Variants in ERCC6L2 observed in about 807,000 individuals in gnomAD.
ERCC6L2 encodes DNA excision repair protein ERCC-6-like 2.
Under a neutral mutation model 132.0 loss-of-function variants are expected in ERCC6L2, and 77 were observed. The ratio of observed to expected loss-of-function variants is 0.58; its 90% CI spans 0.49 to 0.71. ERCC6L2 has a LOEUF of 0.71. Ranked by LOEUF, ERCC6L2 falls within the 30% of genes least tolerant of loss-of-function variation. The pLI is 0.00. For synonymous variants in ERCC6L2, 583 were observed against 632.4 expected (o/e 0.92, Z 1.17); for missense variants, 1,542 against 1,837.6 (o/e 0.84, Z 2.94).
chr9:95,948,791 G>GAAAAAAAAAAAAAAAAAAAAAAAAAAAAA (rs55712485), intron 12 of ERCC6L2, among the ~76,000 whole-genome samples: 1 of 104,066 alleles, frequency 9.6e-6, no homozygotes, highest in Non-Finnish European at 1.9e-5. Flanking sequence ...CAAGACATTA[G>GAAAAAAAAAAAAAAAAAAAAAAAAAAAAA]AAAAAAAAAA....
At chr9:95,966,516 G>A in intron 13 of ERCC6L2, 46 bp from the exon 14 acceptor site, 1 of 1,404,328 alleles carries the variant, frequency 7.1e-7, no homozygotes, top group Non-Finnish European at 9.4e-7. Context: ...CTGACATATT[G>A]TTGGAGCAAA....
At chr9:95,935,980 G>C (rs759117285) in intron 11 of ERCC6L2, among the ~76,000 whole-genome samples, 10 of 152,104 alleles carry the variant, frequency 6.6e-5, no homozygotes, top group Non-Finnish European at 1.5e-4. Context: ...TTTATGTAAT[G>C]TGAGAATGGG....
At chr9:96,027,569 G>T (rs956269251) in intron 19 of ERCC6L2, 4 of 152,166 alleles carry the variant, frequency 2.6e-5, no homozygotes, top group African/African-American at 9.7e-5. Flanking sequence ...CCCTGCGCCG[G>T]CCGGGCGGGT....
intron 16 of ERCC6L2, among the ~76,000 whole-genome samples, chr9:95,975,378 G>C (rs200060031): frequency 0.032 from 4,629 of 145,804 alleles, 97 homozygotes; most frequent in East Asian, 0.14. Flanking sequence ...AAGTTTTGCT[G>C]GATGTAAAAT....
At position 95,895,694 on chromosome 9, in the gene ERCC6L2, G is replaced by C. The variant is rs550793603; in HGVS notation, c.472-2155G>C. On this transcript the variant is annotated intron_variant, in intron 2 of 18. Coordinates refer to ENST00000653738, the MANE Select transcript of ERCC6L2 (RefSeq NM_020207.7). ...CTCAGAATATTATAACTACACTTGT[G>C]CTCCTTCTGACTCATATACATTTGT... 6.0e-5 allele frequency among the ~76,000 whole-genome samples: 9 copies of C among 150,540 alleles called. No individual in the cohort carries two copies. In the East Asian group the frequency reaches 1.8e-3, roughly 29 times the overall value.
chr9:95,940,789 G>A (rs1830763161), intron 11 of ERCC6L2, among the ~76,000 whole-genome samples: 1 of 151,874 alleles, frequency 6.6e-6, no homozygotes, highest in Non-Finnish European at 1.5e-5. Flanking sequence ...CCTGTTGGTT[G>A]GTCAGTTTGT....
intron 9 of ERCC6L2, among the ~76,000 whole-genome samples, chr9:95,923,628 T>C (rs1349176045): frequency 6.6e-6 from 1 of 152,198 alleles, no homozygotes; most frequent in Non-Finnish European, 1.5e-5. Context: ...TATTGATATA[T>C]TGGACTTATG....
intron 3 of ERCC6L2, among the ~76,000 whole-genome samples, chr9:95,900,277 A>C (rs907470670): frequency 6.6e-6 from 1 of 151,998 alleles, no homozygotes; most frequent in Non-Finnish European, 1.5e-5. Context: ...GGTCTCAGCT[A>C]CTGGGGAGGC....
At chr9:95,876,105 C>G (rs759529546) in intron 1 of ERCC6L2, 21 bp downstream of exon 1, 3 of 1,556,820 alleles carry the variant, frequency 1.9e-6, no homozygotes, top group Non-Finnish European at 2.6e-6. Context: ...CGCGCTCGCC[C>G]CTTACGCAGA....
At chr9:95,968,236 A>G (rs1327430957) in intron 14 of ERCC6L2, 1 of 152,188 alleles carries the variant, frequency 6.6e-6, no homozygotes, top group Non-Finnish European at 1.5e-5. Flanking sequence ...AGGACCATCC[A>G]TGTCTTACAT....
At chr9:95,890,058 C>T (rs901321225) in intron 2 of ERCC6L2, among the ~76,000 whole-genome samples, 2 of 152,104 alleles carry the variant, frequency 1.3e-5, no homozygotes, top group Non-Finnish European at 2.9e-5. Context: ...CAACCATGCT[C>T]CTTCAACACA....
intron 20 of ERCC6L2, among the ~76,000 whole-genome samples, chr9:96,039,430 C>T (rs567192440): frequency 7.2e-5 from 11 of 152,070 alleles, no homozygotes; most frequent in African/African-American, 2.4e-4. Flanking sequence ...GTGGAGTTTC[C>T]TGTTTGAGAG....
chr9:96,027,594 G>A (rs2133260762), intron 19 of ERCC6L2: 1 of 152,456 alleles, frequency 6.6e-6, no homozygotes, highest in East Asian at 1.9e-4. Flanking sequence ...AAGGAGCCCA[G>A]GCCGCACCTC....
intron 13 of ERCC6L2, among the ~76,000 whole-genome samples, chr9:95,957,717 T>C (rs558804608): frequency 1.3e-5 from 2 of 152,222 alleles, no homozygotes; most frequent in East Asian, 1.9e-4. Context: ...TTAAGAACTT[T>C]ATATGACACA....
At chr9:96,025,172 T>A (rs963103061) in intron 19 of ERCC6L2, among the ~76,000 whole-genome samples, 1 of 152,198 alleles carries the variant, frequency 6.6e-6, no homozygotes, top group Non-Finnish European at 1.5e-5. Flanking sequence ...AAATCATGGA[T>A]GTCAGGCTGG....
intron 11 of ERCC6L2, among the ~76,000 whole-genome samples, chr9:95,935,892 G>A (rs1182799842): frequency 4.6e-5 from 7 of 152,060 alleles, no homozygotes; most frequent in African/African-American, 1.7e-4. Context: ...TTAACGATTT[G>A]GGGTACTATA....
chr9:95,954,089 A>G (rs1831477967), intron 12 of ERCC6L2, among the ~76,000 whole-genome samples: 1 of 152,176 alleles, frequency 6.6e-6, no homozygotes, highest in South Asian at 2.1e-4. Flanking sequence ...CCCATTTTAC[A>G]TATGAGAAAG....
At chr9:95,990,306 T>C (rs1173307484) in intron 17 of ERCC6L2, among the ~76,000 whole-genome samples, 1 of 152,214 alleles carries the variant, frequency 6.6e-6, no homozygotes, top group African/African-American at 2.4e-5. Flanking sequence ...TTGATTATCA[T>C]GGTCAAATTT....
chr9:95,979,781 A>G (rs1380557286), intron 17 of ERCC6L2, among the ~76,000 whole-genome samples: 1 of 152,204 alleles, frequency 6.6e-6, no homozygotes, highest in Admixed American at 6.5e-5. Flanking sequence ...TGTATGTGCC[A>G]TCTGAAAAAG....
Sources: gnomAD v4.1 joint callset for allele counts (sites outside exome capture counted in the v4.1 genomes callset) on GRCh38, gnomAD v4.1.1 for gene constraint, MANE v1.5 for transcripts, NCBI Gene and HGNC (gene_info 2026-07-23, HGNC 2026-07-21) for gene names.